The following CNTN5 variants were observed in gnomAD, a reference collection of about 807,000 sequenced individuals.
The protein encoded by CNTN5 is contactin 5.
A neutral mutation model predicts 129.1 loss-of-function variants in CNTN5; 77 were observed. That is an observed-to-expected ratio of 0.60 (90% CI 0.50 to 0.72). The LOEUF (loss-of-function observed/expected upper bound fraction) is 0.72. Ranked by LOEUF, CNTN5 falls within the 30% of genes least tolerant of loss-of-function variation. The pLI is 0.00. For synonymous variants in CNTN5, 509 were observed against 465.6 expected (o/e 1.09, Z -1.20); for missense variants, 1,478 against 1,328.8 (o/e 1.11, Z -1.75).
intron 2 of CNTN5, among the ~76,000 whole-genome samples, chr11:99,430,650 G>A (rs1591043408): frequency 6.6e-6 from 1 of 151,784 alleles, no homozygotes; most frequent in South Asian, 2.1e-4. Context: ...AAGAGAGAGG[G>A]TAGCTATCTA....
chr11:99,787,808 C>A (rs114499935), intron 3 of CNTN5, among the ~76,000 whole-genome samples: 1,664 of 152,028 alleles, frequency 0.011, 27 homozygotes, highest in African/African-American at 0.038. Context: ...TAAAATCTCT[C>A]GTGACCTCAT....
intron 13 of CNTN5, among the ~76,000 whole-genome samples, chr11:100,127,958 G>A (rs1946249693): frequency 6.6e-6 from 1 of 151,970 alleles, no homozygotes; most frequent in Non-Finnish European, 1.5e-5. Context: ...ACCACACCCA[G>A]CCCCCATAAA....
chr11:99,383,415 C>G (rs774575955), intron 2 of CNTN5, among the ~76,000 whole-genome samples: 1 of 152,178 alleles, frequency 6.6e-6, no homozygotes, highest in African/African-American at 2.4e-5. Context: ...ATGTACTACA[C>G]AGAAAATATT....
intron 3 of CNTN5, among the ~76,000 whole-genome samples, chr11:99,818,774 T>C (rs1402175649): frequency 1.3e-5 from 2 of 152,284 alleles, no homozygotes; most frequent in East Asian, 3.9e-4. Context: ...GCTCAACCTT[T>C]CTAACCAAAC....
At chr11:99,490,091 A>G (rs1565226359) in intron 2 of CNTN5, among the ~76,000 whole-genome samples, 1 of 152,294 alleles carries the variant, frequency 6.6e-6, no homozygotes, top group East Asian at 1.9e-4. Flanking sequence ...CAGAAACAGA[A>G]TTACTAAGTT....
At chr11:100,131,298 A>C (rs1159839379) in intron 13 of CNTN5, among the ~76,000 whole-genome samples, 8 of 152,032 alleles carry the variant, frequency 5.3e-5, no homozygotes, top group Admixed American at 5.3e-4. Flanking sequence ...GAAGGATTTC[A>C]GGTATTTTGG....
intron 3 of CNTN5, among the ~76,000 whole-genome samples, chr11:99,765,805 A>G (rs566123309): frequency 2.7e-4 from 41 of 151,992 alleles, no homozygotes; most frequent in Non-Finnish European, 4.6e-4. Context: ...AGTTATGAAA[A>G]TGACTGATCT....
At chr11:99,583,020 G>C (rs1452558964) in intron 3 of CNTN5, among the ~76,000 whole-genome samples, 1 of 152,210 alleles carries the variant, frequency 6.6e-6, no homozygotes, top group Non-Finnish European at 1.5e-5. Context: ...TGTCCTCTCT[G>C]TTTGTTAGTT....
intron 2 of CNTN5, among the ~76,000 whole-genome samples, chr11:99,350,323 G>T (rs1332873412): frequency 1.3e-5 from 2 of 152,092 alleles, no homozygotes; most frequent in Non-Finnish European, 2.9e-5. Context: ...TCCTGGCAAA[G>T]ATTTTAGATG....
intron 3 of CNTN5, among the ~76,000 whole-genome samples, chr11:99,756,974 C>G (rs1476051214): frequency 6.7e-6 from 1 of 149,156 alleles, no homozygotes; most frequent in African/African-American, 2.5e-5. Context: ...GCCAAACTTT[C>G]TGGCAATAAC....
intron 2 of CNTN5, among the ~76,000 whole-genome samples, chr11:99,420,608 A>G (rs758084285): frequency 3.3e-5 from 5 of 152,196 alleles, no homozygotes; most frequent in Admixed American, 6.5e-5. Context: ...GAAAAGGGCC[A>G]TGATAATGCT....
chr11:99,998,555 A>T (rs1939615965), intron 8 of CNTN5, among the ~76,000 whole-genome samples: 1 of 142,042 alleles, frequency 7.0e-6, no homozygotes. Flanking sequence ...AGGAAGAATC[A>T]ATATCGTGAA....
intron 3 of CNTN5, among the ~76,000 whole-genome samples, chr11:99,671,519 C>T (rs758660927): frequency 1.3e-5 from 2 of 151,928 alleles, no homozygotes; most frequent in African/African-American, 2.4e-5. Flanking sequence ...TCAAAATTTC[C>T]AAGTTCACCT....
At chr11:99,614,798 C>G (rs1950707892) in intron 3 of CNTN5, among the ~76,000 whole-genome samples, 1 of 152,068 alleles carries the variant, frequency 6.6e-6, no homozygotes, top group East Asian at 1.9e-4. Context: ...TTGTACCCCA[C>G]TTGATAAATA....
At chr11:99,616,202 C>G (rs1565351527) in intron 3 of CNTN5, among the ~76,000 whole-genome samples, 1 of 152,172 alleles carries the variant, frequency 6.6e-6, no homozygotes, top group Non-Finnish European at 1.5e-5. Context: ...TAAGTCCGCT[C>G]TGTTCCCTCT....
At chr11:99,858,883 T>A (rs1948122563) in intron 6 of CNTN5, among the ~76,000 whole-genome samples, 1 of 151,920 alleles carries the variant, frequency 6.6e-6, no homozygotes, top group Non-Finnish European at 1.5e-5. Context: ...ATTGAGTGAT[T>A]ATTATGTTCT....
intron 1 of CNTN5, among the ~76,000 whole-genome samples, chr11:99,303,971 G>A (rs1864758913): frequency 6.6e-6 from 1 of 152,028 alleles, no homozygotes; most frequent in Admixed American, 6.6e-5. Context: ...CTTCATCTGG[G>A]GGTGGTCCTT....
intron 13 of CNTN5, among the ~76,000 whole-genome samples, chr11:100,176,653 T>C (rs955470145): frequency 6.6e-6 from 1 of 152,038 alleles, no homozygotes; most frequent in East Asian, 1.9e-4. Flanking sequence ...CTGAAAAGCA[T>C]GTGGTCTTAC....
chr11:99,620,421 A>T (rs1950905363), intron 3 of CNTN5, among the ~76,000 whole-genome samples: 1 of 151,546 alleles, frequency 6.6e-6, no homozygotes, highest in South Asian at 2.1e-4. Context: ...GCAAATTCTT[A>T]TGTCTTTCAT....
Sources: allele counts gnomAD v4.1 joint callset (sites outside exome capture counted in the v4.1 genomes callset), GRCh38; gene constraint gnomAD v4.1.1; transcripts MANE v1.5; gene names NCBI Gene and HGNC (gene_info 2026-07-23, HGNC 2026-07-21).